DYM: variants seen among roughly 807,000 people sequenced by gnomAD.
DYM encodes the protein dyggve-Melchior-Clausen syndrome protein.
In DYM, 78 loss-of-function variants were observed where a neutral mutation model predicts 93.1. The observed-to-expected ratio is 0.84, with a 90% CI of 0.70 to 1.01. The LOEUF is 1.01. DYM is among the 50% of genes least tolerant of loss of function. DYM has a pLI of 0.00. For synonymous variants in DYM, 321 were observed against 319.7 expected, an observed-to-expected ratio of 1.00 and a Z score of -0.04; for missense variants, 789 against 845.0, an observed-to-expected ratio of 0.93 and a Z score of 0.82.
intron 16 of DYM, among the ~76,000 whole-genome samples, chr18:49,112,416 T>G (rs2081503695): frequency 6.6e-6 from 1 of 152,130 alleles, no homozygotes; most frequent in Non-Finnish European, 1.5e-5. Flanking sequence ...ACTTGTATGG[T>G]GGCTACCTAC....
intron 17 of DYM, among the ~76,000 whole-genome samples, chr18:49,063,385 TA>T (rs1376156065): frequency 6.6e-6 from 1 of 151,564 alleles, no homozygotes; most frequent in African/African-American, 2.4e-5. Flanking sequence ...TTATATTTTG[TA>T]AATAGATATA....
chr18:49,171,077 T>TGAC lies in DYM; in HGVS notation c.1626-7293_1626-7291dup, dbSNP rs1458549829. On this transcript the variant is annotated intron_variant, in intron 14 of 17. Transcript: ENST00000675505. ...TTGGCACAAGGAAACAAATCAGTGG[T>TGAC]GACTTTATCCACTGTCAGAGGGGAG... Among the ~76,000 whole-genome samples, 7 of 152,202 alleles carry TGAC rather than the reference T, an allele frequency of 4.6e-5. No homozygotes were observed. In the East Asian group the frequency reaches 1.4e-3, roughly 29 times the overall value.
At chr18:49,249,341 T>C (rs927171541) in intron 13 of DYM, among the ~76,000 whole-genome samples, 1 of 152,116 alleles carries the variant, frequency 6.6e-6, no homozygotes, top group African/African-American at 2.4e-5. Flanking sequence ...TCTAAAATTA[T>C]CATAATCATA....
intron 14 of DYM, among the ~76,000 whole-genome samples, chr18:49,175,567 C>A (rs2089283271): frequency 6.6e-6 from 1 of 152,150 alleles, no homozygotes; most frequent in African/African-American, 2.4e-5. Context: ...CCATCCAGGA[C>A]AAGAGCTAAA....
intron 16 of DYM, among the ~76,000 whole-genome samples, chr18:49,106,517 T>G (rs543824001): frequency 4.6e-5 from 7 of 152,340 alleles, no homozygotes; most frequent in Non-Finnish European, 8.8e-5. Flanking sequence ...TCTTTACAAT[T>G]TGGCAAGTTT....
intron 13 of DYM, among the ~76,000 whole-genome samples, chr18:49,233,659 C>T (rs970890142): frequency 1.3e-5 from 2 of 152,094 alleles, no homozygotes; most frequent in African/African-American, 2.4e-5. Context: ...GACTGTTCCC[C>T]AATGATCCAT....
At chr18:49,145,419 A>G (rs1273365229) in intron 15 of DYM, among the ~76,000 whole-genome samples, 4 of 151,994 alleles carry the variant, frequency 2.6e-5, no homozygotes, top group Non-Finnish European at 5.9e-5. Flanking sequence ...TGCTCCTTTA[A>G]ACTTTTGTTT....
intron 9 of DYM, 38 bp downstream of exon 9, chr18:49,286,396 C>T (rs752253716): frequency 1.9e-6 from 3 of 1,597,920 alleles, no homozygotes; most frequent in Non-Finnish European, 1.7e-6. Flanking sequence ...CAATACTCTC[C>T]CCATTACAAA....
In DYM at chr18:49,081,515, C is replaced by A. The variant is rs1209313170; in HGVS notation, c.2025+15887G>T. Among the ~76,000 whole-genome samples the A allele has an allele frequency of 4.4e-5, 5 of 113,892 alleles. No individual in the cohort carries two copies. The East Asian group carries it at 1.4e-3, about 31-fold the overall frequency. The allele number at this position is 113,892 out of a possible 152,430, so 74.7% of individuals were successfully genotyped here. A position where few individuals can be genotyped will look rare whatever the true frequency, so the allele number is the denominator to read the frequency against. ...CGTGGAAAGAGAGGGAGAGGGAGAC[C>A]GAGAGGGAGAGGGGAGAGGGGAGAG... On this transcript the variant is annotated intron_variant, in intron 17 of 17. Transcript: ENST00000675505.
At chr18:49,250,106 A>G (rs1385070234) in intron 13 of DYM, among the ~76,000 whole-genome samples, 1 of 152,252 alleles carries the variant, frequency 6.6e-6, no homozygotes, top group African/African-American at 2.4e-5. Flanking sequence ...ATCAACTTGC[A>G]TGAAGTCTCA....
chr18:49,167,923 G>C (rs2088119525), intron 14 of DYM, among the ~76,000 whole-genome samples: 1 of 152,038 alleles, frequency 6.6e-6, no homozygotes, highest in Admixed American at 6.6e-5. Context: ...TAAACTGTGG[G>C]ATAGTTATAC....
At chr18:49,362,020 G>A (rs1298372827) in intron 6 of DYM, among the ~76,000 whole-genome samples, 2 of 133,606 alleles carry the variant, frequency 1.5e-5, no homozygotes, top group African/African-American at 2.7e-5. Context: ...CACTGCATCC[G>A]GCCTAATTTT....
intron 8 of DYM, among the ~76,000 whole-genome samples, chr18:49,290,445 T>C (rs555590881): frequency 2.6e-5 from 4 of 152,188 alleles, no homozygotes; most frequent in Admixed American, 1.3e-4. Flanking sequence ...TGGGATTGCA[T>C]GGAATTCAAG....
At chr18:49,098,549 C>A (rs563371200) in intron 16 of DYM, among the ~76,000 whole-genome samples, 12 of 152,350 alleles carry the variant, frequency 7.9e-5, no homozygotes, top group Admixed American at 1.3e-4. Context: ...ATGTGCCTCA[C>A]AATTCTGTGG....
intron 13 of DYM, among the ~76,000 whole-genome samples, chr18:49,238,317 C>A (rs1359561393): frequency 6.6e-6 from 1 of 152,020 alleles, no homozygotes; most frequent in East Asian, 1.9e-4. Context: ...TTTTAAGTAA[C>A]CTTTAAAATT....
chr18:49,441,963 A>C (rs2148619367), intron 1 of DYM, among the ~76,000 whole-genome samples: 1 of 152,286 alleles, frequency 6.6e-6, no homozygotes, highest in East Asian at 1.9e-4. Context: ...ATGAAGATAA[A>C]GTCAACTTGC....
chr18:49,222,012 C>G (rs1045533856), intron 13 of DYM, among the ~76,000 whole-genome samples: 10 of 151,060 alleles, frequency 6.6e-5, no homozygotes, highest in Non-Finnish European at 1.0e-4. Context: ...AAAAAAGAAA[C>G]TAGACAAAGT....
At chr18:49,430,502 T>C in intron 1 of DYM, 55 bp from the exon 2 acceptor site, 1 of 1,337,178 alleles carries the variant, frequency 7.5e-7, no homozygotes, top group Non-Finnish European at 1.0e-6. Context: ...TCATGCTTTG[T>C]CTACCTATAA....
intron 8 of DYM, among the ~76,000 whole-genome samples, chr18:49,305,479 C>G (rs2146259942): frequency 6.6e-6 from 1 of 152,274 alleles, no homozygotes; most frequent in Admixed American, 6.5e-5. Context: ...CTCTTTGTAA[C>G]TGAAAGACAG....
Sources: allele counts gnomAD v4.1 joint callset (sites outside exome capture counted in the v4.1 genomes callset), GRCh38; gene constraint gnomAD v4.1.1; transcripts MANE v1.5; gene names NCBI Gene and HGNC (gene_info 2026-07-23, HGNC 2026-07-21).